GET3: variants seen among roughly 807,000 people sequenced by gnomAD.
The protein encoded by GET3 is guided entry of tail-anchored proteins factor 3, ATPase, also known as ATPase GET3.
Under a neutral mutation model 32.4 loss-of-function variants are expected in GET3, and 15 were observed. The ratio of observed to expected loss-of-function variants is 0.46; its 90% CI spans 0.31 to 0.71. The LOEUF is 0.71. GET3 is among the 30% of genes least tolerant of loss of function. The pLI is 0.05. For synonymous variants in GET3, 198 were observed against 185.6 expected, an observed-to-expected ratio of 1.07 and a Z score of -0.54; for missense variants, 333 against 459.0, an observed-to-expected ratio of 0.73 and a Z score of 2.51.
At chr19:12,737,738 G>C (rs1967600496) in intron 1 of GET3, 72 bp downstream of exon 1, 11 of 1,505,260 alleles carry the variant, frequency 7.3e-6, no homozygotes, top group Non-Finnish European at 7.9e-6. Flanking sequence ...CCAAGGACCG[G>C]CTTTTCCACC....
At position 12,737,545 on chromosome 19, in the gene GET3, G is replaced by T; in HGVS notation, c.40G>T (p.Glu14Ter). 6.3e-7 allele frequency: 1 copy of T among 1,598,648 alleles called. No individual in the cohort carries two copies. The highest frequency in any genetic ancestry group is 8.5e-7 in the Non-Finnish European group (1 of 1,173,484). ...GVAGWGVEAE[E>*]FEDAPDVEPL... ...GGCCGGGTGGGGGGTTGAGGCAGAG[G>T]AGTTCGAAGATGCTCCTGATGTGGA... The change falls in exon 1 of 7, where the codon GAG (glutamate) becomes TAG (stop). Residue 14 changes from glutamate to a stop codon, truncating the protein, a stop_gained. Coordinates refer to ENST00000357332, the MANE Select transcript of GET3 (RefSeq NM_004317.4). LOFTEE classifies it high-confidence loss of function.
At chr19:12,743,081 G>A (rs1156505329) in intron 2 of GET3, among the ~76,000 whole-genome samples, 2 of 152,176 alleles carry the variant, frequency 1.3e-5, no homozygotes, top group Non-Finnish European at 2.9e-5. Flanking sequence ...TGATGAGTGG[G>A]CAAGCTCCCC....
chr19:12,738,962 G>T (rs1045106625), intron 2 of GET3, among the ~76,000 whole-genome samples: 3 of 152,166 alleles, frequency 2.0e-5, no homozygotes, highest in Admixed American at 2.0e-4. Context: ...GGTTATTAAC[G>T]GGAAGCTGTT....
At chr19:12,742,560 G>A (rs140301480) in intron 2 of GET3, among the ~76,000 whole-genome samples, 2 of 152,188 alleles carry the variant, frequency 1.3e-5, no homozygotes, top group South Asian at 2.1e-4. Flanking sequence ...GACTCCAGGT[G>A]CATGCCACCA....
In GET3 at chr19:12,737,584, A is replaced by G; in HGVS notation, c.79A>G (p.Thr27Ala). The G allele has an allele frequency of 6.2e-7, 1 of 1,612,262 alleles. No individual in the cohort carries two copies. The highest frequency in any genetic ancestry group is 1.1e-5 in the South Asian group (1 of 90,716). The change falls in exon 1 of 7, where the codon ACA (threonine) becomes GCA (alanine). Residue 27 changes from threonine (T) to alanine (A), a missense_variant. Thr to Ala is a moderately conservative substitution (Grantham distance 58). Coordinates refer to ENST00000357332, the MANE Select transcript of GET3 (RefSeq NM_004317.4). ...DAPDVEPLEP[T>A]LSNIIEQRSL... ...TCCTGATGTGGAGCCGCTGGAGCCT[A>G]CACTTAGCAACATCATCGAGCAGCG... is the stretch of plus-strand genomic sequence containing the variant.
intron 1 of GET3, 30 bp downstream of exon 1, chr19:12,737,696 C>T (rs1337998400): frequency 6.3e-7 from 1 of 1,593,446 alleles, no homozygotes; most frequent in African/African-American, 1.3e-5. Flanking sequence ...GGCCAGGAGG[C>T]GTGTAGGATA....
At chr19:12,742,553 TC>T (rs1967690900) in intron 2 of GET3, among the ~76,000 whole-genome samples, 2 of 152,132 alleles carry the variant, frequency 1.3e-5, no homozygotes, top group African/African-American at 4.8e-5. Flanking sequence ...TAGCTGGGAC[TC>T]CAGGTGCATG....
chr19:12,737,464 TC>T (rs1666521878), upstream of GET3: 3 of 1,441,250 alleles, frequency 2.1e-6, no homozygotes, highest in African/African-American at 4.4e-5. Context: ...TGTAGGTTCT[TC>T]GTATGGTGCG....
In GET3 at chr19:12,745,390, G is replaced by C. The variant is rs746726275; in HGVS notation, c.323G>C (p.Ser108Thr). Reference protein sequence around the residue: ...DNLFAMEIDPSLGVAELPDEF... With the variant: ...DNLFAMEIDPTLGVAELPDEF... Reference sequence around the variant, plus strand: ...TTTGGCCCCCAGGAGATTGACCCCAGCCTGGGCGTGGCGGAGCTGCCTGAC... The same window carrying C: ...TTTGGCCCCCAGGAGATTGACCCCACCCTGGGCGTGGCGGAGCTGCCTGAC... The change falls in exon 3 of 7, where the codon AGC becomes ACC. Residue 108 changes from serine to threonine, a missense_variant. Coordinates refer to ENST00000357332, the MANE Select transcript of GET3 (RefSeq NM_004317.4). The surrounding 1 kb of genome is among the most constrained non-coding windows in gnomAD (Gnocchi z 5.0). 1 of 1,610,764 alleles carries C rather than the reference G, an allele frequency of 6.2e-7. No individual in the cohort carries two copies.
intron 2 of GET3, among the ~76,000 whole-genome samples, chr19:12,742,372 C>T (rs2145688973): frequency 6.6e-6 from 1 of 151,952 alleles, no homozygotes; most frequent in East Asian, 1.9e-4. Flanking sequence ...GCTGTGATTA[C>T]AGGCGCCCGC....
At chr19:12,737,789 ACT>A in intron 1 of GET3, 123 bp downstream of exon 1, 1 of 1,315,510 alleles carries the variant, frequency 7.6e-7, no homozygotes, top group Non-Finnish European at 1.0e-6. Context: ...TTTGGGTTTC[ACT>A]CTCTGGAAGT....
Position 12,738,312 on chromosome 19 carries a change from A to G in GET3, c.162-199A>G, listed in dbSNP as rs1321785144. On this transcript the variant is annotated intron_variant, in intron 1 of 6. Coordinates refer to ENST00000357332, the MANE Select transcript of GET3 (RefSeq NM_004317.4). ...CAGCTGAACCTTACCTCTCTAGTCCACATAGAGGGGTCAGGAGATAAATCA... is the reference window on the plus strand; with the variant it reads ...CAGCTGAACCTTACCTCTCTAGTCCGCATAGAGGGGTCAGGAGATAAATCA... Among the ~76,000 whole-genome samples, 5 of 152,258 alleles carry G rather than the reference A, an allele frequency of 3.3e-5. 1 individual carries two copies. The Middle Eastern group carries it at 0.01, about 311-fold the overall frequency.
chr19:12,737,558 C>G lies in GET3; in HGVS notation c.53C>G (p.Ala18Gly). 1.2e-6 allele frequency: 2 copies of G among 1,607,260 alleles called. No individual in the cohort carries two copies. Among genetic ancestry groups the G allele is most frequent in the Non-Finnish European group, 1.7e-6 (2 of 1,177,432 alleles). Residue 18 changes from alanine (A) to glycine (G), a missense_variant, in exon 1 of 7, where the codon GCT becomes GGT. Ala to Gly is a moderately conservative substitution (Grantham distance 60). Transcript: ENST00000357332. ...WGVEAEEFED[A>G]PDVEPLEPTL... ...GTTGAGGCAGAGGAGTTCGAAGATG[C>G]TCCTGATGTGGAGCCGCTGGAGCCT... is the stretch of plus-strand genomic sequence containing the variant.
Position 12,745,575 on chromosome 19 carries a change from G to A in GET3, c.459-34G>A, listed in dbSNP as rs762999160. 11 of 1,612,258 alleles carry A rather than the reference G, an allele frequency of 6.8e-6. No homozygotes were observed. The highest frequency in any genetic ancestry group is 2.7e-5 in the African/African-American group (2 of 74,866). On this transcript the variant is annotated intron_variant, in intron 3 of 6. Transcript: ENST00000357332. This position sits in a 1 kb window ranked among gnomAD's most constrained non-coding sequence, Gnocchi z 5.0. ...GGGCTGCCTGGGGAAGGGGAAGAGC[G>A]GACACAGAGGGCCTGACCCCTGTCT... is the stretch of plus-strand genomic sequence containing the variant.
chr19:12,744,472 A>T (rs958054801), intron 2 of GET3, among the ~76,000 whole-genome samples: 1 of 151,892 alleles, frequency 6.6e-6, no homozygotes, highest in African/African-American at 2.4e-5. Context: ...GGCACCCGCC[A>T]CTATGCATGG....
chr19:12,744,246 T>C (rs1185897955), intron 2 of GET3, among the ~76,000 whole-genome samples: 5 of 150,472 alleles, frequency 3.3e-5, no homozygotes, highest in African/African-American at 1.2e-4. Flanking sequence ...GAGGGAGGCA[T>C]TGAGTCTGAG....
At position 12,747,880 on chromosome 19, in the gene GET3, A is replaced by G. The variant is rs1271958224; in HGVS notation, c.916-93A>G. 1.6e-5 allele frequency: 21 copies of G among 1,350,272 alleles called. No individual in the cohort carries two copies. In the South Asian group the frequency reaches 2.7e-4, roughly 18 times the overall value. The allele number at this position is 1,350,272 out of a possible 1,614,324, so 83.6% of individuals were successfully genotyped here. ...CCTATATTCTCTCCCTGACTCTGGA[A>G]GCTTTCTAGCTTTACCGCTTCTATT... On this transcript the variant is annotated intron_variant, in intron 6 of 6. Coordinates refer to ENST00000357332, the MANE Select transcript of GET3 (RefSeq NM_004317.4). The surrounding 1 kb of genome is among the most constrained non-coding windows in gnomAD (Gnocchi z 4.0).
intron 1 of GET3, 64 bp downstream of exon 1, chr19:12,737,730 A>C: frequency 6.6e-7 from 1 of 1,519,000 alleles, no homozygotes; most frequent in East Asian, 2.5e-5. Flanking sequence ...AGGGGAGGCC[A>C]AGGACCGGCT....
At chr19:12,746,321 T>G (rs1398408686) in intron 4 of GET3, among the ~76,000 whole-genome samples, 1 of 152,124 alleles carries the variant, frequency 6.6e-6, no homozygotes, top group East Asian at 1.9e-4. Flanking sequence ...TTTGTAGAGA[T>G]AGGGTTTTGC....
Sources: gnomAD v4.1 joint callset for allele counts (sites outside exome capture counted in the v4.1 genomes callset) on GRCh38, gnomAD v4.1.1 for gene constraint, Gnocchi (gnomAD v3.1) non-coding constraint, MANE v1.5 for transcripts, NCBI Gene and HGNC (gene_info 2026-07-23, HGNC 2026-07-21) for gene names.